FABP6: variants seen among roughly 807,000 people sequenced by gnomAD.
The protein encoded by FABP6 is gastrotropin.
A neutral mutation model predicts 14.9 loss-of-function variants in FABP6; 13 were observed. The observed-to-expected ratio is 0.87, with a 90% CI of 0.57 to 1.39. FABP6 has a LOEUF of 1.39. Among genes scored for constraint, FABP6 ranks in the 40% most tolerant of loss-of-function variants. FABP6 has a pLI of 0.00. For missense variants in FABP6, 161 were observed against 167.2 expected (o/e 0.96, Z 0.20); for synonymous variants, 75 against 63.6 (o/e 1.18, Z -0.85).
rs186977695 is a variant in FABP6, at chr5:160,238,101, C to G, written c.334-505C>G. Among the ~76,000 whole-genome samples, 1,130 of 152,262 alleles carry G rather than the reference C, an allele frequency of 7.4e-3. 13 individuals are homozygous for G. The highest frequency in any genetic ancestry group is 0.026 in the African/African-American group (1,092 of 41,552). ...TGGGGCACCGCACACTGTGGGCCTTCAAAGAACAGCATCCCCCCCGCCTGC... is the reference window on the plus strand; with the variant it reads ...TGGGGCACCGCACACTGTGGGCCTTGAAAGAACAGCATCCCCCCCGCCTGC... On this transcript the variant is annotated intron_variant, in intron 3 of 3. Coordinates refer to ENST00000402432, the MANE Select transcript of FABP6 (RefSeq NM_001445.3).
At chr5:160,199,473 C>G (rs141290407) in intron 2 of FABP6, among the ~76,000 whole-genome samples, 2 of 152,136 alleles carry the variant, frequency 1.3e-5, no homozygotes, top group South Asian at 2.1e-4. Flanking sequence ...GGGCTCACCC[C>G]CTCCTGCGCC....
At chr5:160,215,069 T>C (rs574020340) in intron 3 of FABP6, among the ~76,000 whole-genome samples, 4 of 152,350 alleles carry the variant, frequency 2.6e-5, no homozygotes, top group Non-Finnish European at 5.9e-5. Flanking sequence ...ACACATAGTT[T>C]TGAATAATGC....
intron 1 of FABP6, among the ~76,000 whole-genome samples, chr5:160,190,918 C>T (rs142000680): frequency 6.6e-6 from 1 of 150,570 alleles, no homozygotes; most frequent in African/African-American, 2.5e-5. Context: ...CAAGACCATC[C>T]TGGCTAACAC....
chr5:160,204,537 T>C (rs553322962), intron 2 of FABP6, among the ~76,000 whole-genome samples: 9 of 152,202 alleles, frequency 5.9e-5, no homozygotes, highest in African/African-American at 2.2e-4. Flanking sequence ...TCATCCGGGC[T>C]GGAGTGCAGT....
intron 1 of FABP6, among the ~76,000 whole-genome samples, chr5:160,190,470 G>A (rs1031860549): frequency 6.6e-6 from 1 of 152,138 alleles, no homozygotes; most frequent in African/African-American, 2.4e-5. Flanking sequence ...GACCTCAGGC[G>A]ATCTGCCCAC....
chr5:160,223,780 T>C (rs1368622256), intron 3 of FABP6, among the ~76,000 whole-genome samples: 1 of 151,720 alleles, frequency 6.6e-6, no homozygotes, highest in East Asian at 2.0e-4. Flanking sequence ...TCAGGCCTTC[T>C]TATTCCCTGA....
intron 1 of FABP6, among the ~76,000 whole-genome samples, chr5:160,188,147 C>T (rs963369162): frequency 6.6e-6 from 1 of 152,108 alleles, no homozygotes; most frequent in Non-Finnish European, 1.5e-5. Context: ...GAAAAGCAGG[C>T]AGGGGCCGGG....
intron 2 of FABP6, among the ~76,000 whole-genome samples, chr5:160,206,722 G>A (rs199529814): frequency 2.0e-5 from 3 of 152,110 alleles, no homozygotes; most frequent in Admixed American, 6.5e-5. Flanking sequence ...AGCTCTGAGG[G>A]CTGCTTGGCT....
chr5:160,208,745 T>C (rs192448896), intron 2 of FABP6, among the ~76,000 whole-genome samples: 127 of 151,876 alleles, frequency 8.4e-4, no homozygotes, highest in Non-Finnish European at 1.3e-3. Context: ...CTGGCCAACA[T>C]AGGGAGACCC....
At chr5:160,192,473 C>T (rs1228370015) in intron 1 of FABP6, among the ~76,000 whole-genome samples, 1 of 152,272 alleles carries the variant, frequency 6.6e-6, no homozygotes, top group Non-Finnish European at 1.5e-5. Context: ...ACTAAGTCCC[C>T]AGGCTTCGCC....
At chr5:160,232,465 A>G (rs923726341) in intron 2 of FABP6, among the ~76,000 whole-genome samples, 192 bp downstream of exon 2, 1 of 152,210 alleles carries the variant, frequency 6.6e-6, no homozygotes, top group Non-Finnish European at 1.5e-5. Context: ...AACAATAAGA[A>G]AAATAGCTAA....
chr5:160,231,218 G>A (rs1760373933), intron 1 of FABP6, among the ~76,000 whole-genome samples: 1 of 152,198 alleles, frequency 6.6e-6, no homozygotes, highest in Admixed American at 6.5e-5. Flanking sequence ...GGCCCTGAAG[G>A]AGCAATGACT....
chr5:160,209,609 CAG>C (rs763052243), intron 2 of FABP6, among the ~76,000 whole-genome samples: 12 of 152,354 alleles, frequency 7.9e-5, no homozygotes, highest in Non-Finnish European at 1.2e-4. Flanking sequence ...TGGTATTCTA[CAG>C]AGAGTCCCCA....
chr5:160,194,748 C>T (rs1196793383), intron 1 of FABP6, among the ~76,000 whole-genome samples: 1 of 152,060 alleles, frequency 6.6e-6, no homozygotes, highest in Non-Finnish European at 1.5e-5. Flanking sequence ...CATGTCCCAC[C>T]TTGATGGCAG....
intron 3 of FABP6, among the ~76,000 whole-genome samples, chr5:160,223,849 C>T (rs1760186566): frequency 6.6e-6 from 1 of 151,370 alleles, no homozygotes; most frequent in Non-Finnish European, 1.5e-5. Context: ...CCTGTAATCC[C>T]AGCACTTTGG....
intron 1 of FABP6, chr5:160,199,005 C>A: frequency 1.7e-6 from 2 of 1,200,878 alleles, no homozygotes; most frequent in Admixed American, 1.7e-5. Context: ...ATGAGATGGT[C>A]TCCAGAGCCC....
At chr5:160,201,188 T>G (rs1343091303) in intron 2 of FABP6, among the ~76,000 whole-genome samples, 3 of 150,096 alleles carry the variant, frequency 2.0e-5, no homozygotes, top group Non-Finnish European at 4.4e-5. Flanking sequence ...AAACTCCATC[T>G]CTAAAAAAAA....
intron 3 of FABP6, among the ~76,000 whole-genome samples, chr5:160,214,135 CTTT>C (rs1759960561): frequency 6.9e-6 from 1 of 145,394 alleles, no homozygotes; most frequent in Non-Finnish European, 1.5e-5. Context: ...TTCTTTCTTT[CTTT>C]CTTTCTTTCT....
At chr5:160,206,835 G>A (rs189153227) in intron 2 of FABP6, among the ~76,000 whole-genome samples, 1 of 152,134 alleles carries the variant, frequency 6.6e-6, no homozygotes, top group African/African-American at 2.4e-5. Flanking sequence ...GGGTGGCTTG[G>A]ACATGCACGG....
Sources: gnomAD v4.1 joint callset for allele counts (sites outside exome capture counted in the v4.1 genomes callset) on GRCh38, gnomAD v4.1.1 for gene constraint, MANE v1.5 for transcripts, NCBI Gene and HGNC (gene_info 2026-07-23, HGNC 2026-07-21) for gene names.